Variants in MICAL2 observed in about 807,000 individuals in gnomAD.
The protein encoded by MICAL2 is microtubule associated monooxygenase, calponin and LIM domain containing 2.
Under a neutral mutation model 127.3 loss-of-function variants are expected in MICAL2, and 77 were observed. The ratio of observed to expected loss-of-function variants is 0.60; its 90% CI spans 0.50 to 0.73. The LOEUF (loss-of-function observed/expected upper bound fraction) is 0.73. Among genes scored for constraint, MICAL2 ranks in the 30% least tolerant of loss-of-function variants. The probability of loss-of-function intolerance (pLI) is 0.00; values close to 1 mark genes in which losing one functional copy is unlikely to be tolerated. For missense variants in MICAL2, 1,351 were observed against 1,434.4 expected, an observed-to-expected ratio of 0.94 and a Z score of 0.94; for synonymous variants, 570 against 551.1, an observed-to-expected ratio of 1.03 and a Z score of -0.48.
At chr11:12,283,457 C>T (rs1863793036) in intron 2 of MICAL2, among the ~76,000 whole-genome samples, 1 of 150,584 alleles carries the variant, frequency 6.6e-6, no homozygotes, top group Non-Finnish European at 1.5e-5. Context: ...AATGGATAAA[C>T]AAAACGCAGT....
intron 1 of MICAL2, among the ~76,000 whole-genome samples, chr11:12,120,438 T>A (rs1222168442): frequency 6.6e-6 from 1 of 151,080 alleles, no homozygotes; most frequent in Non-Finnish European, 1.5e-5. Flanking sequence ...TGGGCTAGAG[T>A]CCCTGTGATG....
At chr11:12,306,173 A>G (rs1014881130) in intron 29 of MICAL2, among the ~76,000 whole-genome samples, 6 of 152,236 alleles carry the variant, frequency 3.9e-5, no homozygotes, top group Non-Finnish European at 5.9e-5. Flanking sequence ...CAGAACCCCA[A>G]AAGTCCTCTG....
intron 1 of MICAL2, among the ~76,000 whole-genome samples, chr11:12,118,352 C>T: frequency 6.6e-6 from 1 of 152,312 alleles, no homozygotes; most frequent in Non-Finnish European, 1.5e-5. Flanking sequence ...TCAGTTCTTA[C>T]TTTTTTGGCA....
chr11:12,258,577 C>T, intron 25 of MICAL2, 21 bp downstream of exon 25: 1 of 1,604,162 alleles, frequency 6.2e-7, no homozygotes, highest in Non-Finnish European at 8.5e-7. Context: ...CTCAAACATG[C>T]TGGTGAAACG....
Position 12,174,485 on chromosome 11 carries a change from A to G in MICAL2, c.264+12066A>G, listed in dbSNP as rs1177571897. On this transcript the variant is annotated intron_variant, in intron 3 of 27. Transcript: ENST00000683283. ...CTTATTCACTTGGCCTGATGTCCTC[A>G]AGGTTCATCTGTGACATATGCCAGA... 2.6e-5 allele frequency among the ~76,000 whole-genome samples: 4 copies of G among 151,902 alleles called. No individual in the cohort carries two copies. In the East Asian group the frequency reaches 7.7e-4, roughly 29 times the overall value.
chr11:12,334,413 TC>T (rs1445234042), intron 32 of MICAL2, among the ~76,000 whole-genome samples: 7 of 152,226 alleles, frequency 4.6e-5, no homozygotes, highest in African/African-American at 1.4e-4. Context: ...GACACAACCA[TC>T]CTTTTTTTAT....
intron 29 of MICAL2, among the ~76,000 whole-genome samples, chr11:12,315,953 GTTTC>G (rs899458946): frequency 6.6e-6 from 1 of 151,918 alleles, no homozygotes; most frequent in African/African-American, 2.4e-5. Flanking sequence ...TCTGTATTTT[GTTTC>G]TTTAATTTAA....
intron 1 of MICAL2, among the ~76,000 whole-genome samples, chr11:12,113,765 G>A (rs1158249575): frequency 3.9e-5 from 6 of 152,028 alleles, no homozygotes. Context: ...AAAAAACACA[G>A]CATATATAGG....
chr11:12,320,946 T>A (rs1405413671), intron 30 of MICAL2, among the ~76,000 whole-genome samples: 1 of 152,046 alleles, frequency 6.6e-6, no homozygotes, highest in African/African-American at 2.4e-5. Context: ...CCGTGTGTCT[T>A]GTGTTGATTT....
chr11:12,272,237 G>C (rs1863682475), upstream of MICAL2, among the ~76,000 whole-genome samples: 1 of 152,128 alleles, frequency 6.6e-6, no homozygotes, highest in African/African-American at 2.4e-5. Context: ...GCCTCATCCT[G>C]CTAGGCCACC....
chr11:12,186,916 T>C (rs754043037), intron 3 of MICAL2, among the ~76,000 whole-genome samples: 1 of 152,220 alleles, frequency 6.6e-6, no homozygotes, highest in Non-Finnish European at 1.5e-5. Context: ...CTGGGCTGTG[T>C]ACCCATCTGC....
In MICAL2 at chr11:12,332,283, C is replaced by G. The variant is rs116330237; in HGVS notation, c.5515+5017C>G. On this transcript the variant is annotated intron_variant, in intron 32 of 34. Coordinates refer to the MICAL2 transcript ENST00000646065. Reference sequence around the variant, plus strand: ...TTGTACCCTTTCATCCATCATTAGACATGGCTGGTTGCTGTGCATTCATAA... The same window carrying G: ...TTGTACCCTTTCATCCATCATTAGAGATGGCTGGTTGCTGTGCATTCATAA... Among the ~76,000 whole-genome samples, 510 of 152,328 alleles carry G rather than the reference C, an allele frequency of 3.3e-3. 1 individual carries two copies. Among genetic ancestry groups the G allele is most frequent in the African/African-American group, 0.012 (485 of 41,582 alleles).
At chr11:12,223,927 A>G (rs879338291) in intron 12 of MICAL2, among the ~76,000 whole-genome samples, 1 of 152,066 alleles carries the variant, frequency 6.6e-6, no homozygotes, top group Non-Finnish European at 1.5e-5. Flanking sequence ...GGGAGATGGG[A>G]TGGTTAAATG....
chr11:12,345,131 A>AAAAG lies in MICAL2; in HGVS notation c.5516-4689_5516-4686dup, dbSNP rs1294758526. On this transcript the variant is annotated intron_variant, in intron 32 of 34. Coordinates refer to the MICAL2 transcript ENST00000646065. The stretch of plus-strand genomic sequence containing the variant: ...GAATCCATCTCAAAAAAAAAAAGAA[A>AAAAG]AAAGAAAGAAAGAAAGAAAGATTGT... Among the ~76,000 whole-genome samples, 30 of 151,110 alleles carry AAAAG rather than the reference A, an allele frequency of 2.0e-4. 1 individual carries two copies. The highest frequency in any genetic ancestry group is 5.9e-4 in the African/African-American group (24 of 40,558).
chr11:12,253,665 G>C (rs1861884905), intron 22 of MICAL2: 2 of 152,178 alleles, frequency 1.3e-5, no homozygotes, highest in Admixed American at 1.3e-4. Flanking sequence ...CCCGAGGAGG[G>C]AAACACGGTT....
intron 25 of MICAL2, among the ~76,000 whole-genome samples, chr11:12,259,501 G>T (rs1306221887): frequency 6.6e-6 from 1 of 152,146 alleles, no homozygotes; most frequent in Non-Finnish European, 1.5e-5. Flanking sequence ...GTGTATGCTA[G>T]TATGCATGTT....
intron 3 of MICAL2, among the ~76,000 whole-genome samples, chr11:12,180,029 T>G (rs1857248116): frequency 6.6e-6 from 1 of 152,234 alleles, no homozygotes; most frequent in South Asian, 2.1e-4. Context: ...TCTGTACTCC[T>G]TGCTCCCATA....
chr11:12,347,581 T>C lies in MICAL2; in HGVS notation c.5516-2257T>C, dbSNP rs1589922190. Among the ~76,000 whole-genome samples, 3 of 152,052 alleles carry C rather than the reference T, an allele frequency of 2.0e-5. No homozygotes were observed. In the East Asian group the frequency reaches 5.8e-4, roughly 29 times the overall value. ...ATAATTTGGGATATTGCATATACAG[T>C]CCACCCTTCTGCATCTGTAAATTGA... On this transcript the variant is annotated intron_variant, in intron 32 of 34. Coordinates refer to the MICAL2 transcript ENST00000646065.
intron 34 of MICAL2, chr11:12,354,972 G>A (rs1939109272): frequency 1.0e-6 from 1 of 984,252 alleles, no homozygotes. Context: ...CAAGTTAGAG[G>A]AAAGTACAAA....
Sources: gnomAD v4.1 joint callset for allele counts (sites outside exome capture counted in the v4.1 genomes callset) on GRCh38, gnomAD v4.1.1 for gene constraint, MANE v1.5 for transcripts, NCBI Gene and HGNC (gene_info 2026-07-23, HGNC 2026-07-21) for gene names.